The following TCAF1 variants were observed in gnomAD, a reference collection of about 807,000 sequenced individuals.
TCAF1 encodes the protein TRPM8 channel associated factor 1, also known as TRPM8 channel-associated factor 1.
A neutral mutation model predicts 27.3 loss-of-function variants in TCAF1; 4 were observed. The observed-to-expected ratio is 0.15, with a 90% CI of 0.07 to 0.34. TCAF1 has a LOEUF of 0.34. TCAF1 is among the 10% of genes least tolerant of loss of function. The pLI, the probability that TCAF1 is intolerant of heterozygous loss-of-function variation, is 1.00. For synonymous variants in TCAF1, 105 were observed against 167.1 expected (o/e 0.63, Z 2.87); for missense variants, 257 against 425.8 (o/e 0.60, Z 3.49).
Position 143,882,484 on chromosome 7 carries a change from G to A in TCAF1, c.-14-5862C>T, listed in dbSNP as rs902492155. The A allele has an allele frequency of 2.8e-5, 28 of 985,388 alleles. No homozygotes were observed. In the African/African-American group the frequency reaches 3.3e-4, roughly 12 times the overall value. 61.0% of individuals were successfully genotyped at this position (985,388 alleles called of 1,614,324 possible). ...ACATCAGATGTCAGAACCTGGAGAG[G>A]AGGAGCAATGCGGCAGGGGGATGCG... On this transcript the variant is annotated intron_variant, in intron 1 of 8. Transcript: ENST00000479870.
intron 1 of TCAF1, among the ~76,000 whole-genome samples, chr7:143,877,090 C>T (rs533519238): frequency 1.3e-5 from 2 of 152,204 alleles, no homozygotes; most frequent in South Asian, 2.1e-4. Flanking sequence ...GAGATTGGAG[C>T]GATGAGTCTA....
intron 1 of TCAF1, among the ~76,000 whole-genome samples, chr7:143,879,110 T>C (rs558993041): frequency 1.3e-5 from 2 of 152,322 alleles, no homozygotes; most frequent in East Asian, 3.9e-4. Context: ...CCCTTGGACA[T>C]GCCCTGTTTT....
intron 1 of TCAF1, among the ~76,000 whole-genome samples, chr7:143,897,451 A>G (rs562271680): frequency 4.5e-4 from 69 of 152,062 alleles, no homozygotes; most frequent in Non-Finnish European, 8.5e-4. Context: ...AACATGTGTT[A>G]ATCAACTGCT....
In TCAF1 at chr7:143,860,020, T is replaced by TTATATATTATATAATATATATAA. The variant is rs1811914949; in HGVS notation, c.2167+187_2167+188insTTATATATATTATATAATATATA. Among the ~76,000 whole-genome samples, 5 of 13,756 alleles carry TTATATATTATATAATATATATAA rather than the reference T, an allele frequency of 3.6e-4. 1 individual carries two copies. The highest frequency in any genetic ancestry group is 7.5e-4 in the Non-Finnish European group (4 of 5,306). 9.0% of individuals were successfully genotyped at this position (13,756 alleles called of 152,430 possible). A position where few individuals can be genotyped will look rare whatever the true frequency, so the allele number is the denominator to read the frequency against. Reference sequence around the variant, plus strand: ...TTATATAATATATATATAATATATATTATATATTATATATATAATATATAA... The same window carrying TTATATATTATATAATATATATAA: ...TTATATAATATATATATAATATATATTATATATTATATAATATATATAATATATATTATATATATAATATATAA... On this transcript the variant is annotated intron_variant, in intron 6 of 8. Coordinates refer to ENST00000479870, the MANE Select transcript of TCAF1 (RefSeq NM_014719.3).
chr7:143,885,052 C>T (rs1186918370), intron 1 of TCAF1: 21 of 985,178 alleles, frequency 2.1e-5, no homozygotes, highest in Non-Finnish European at 2.3e-5. Context: ...TTTGGCAGCC[C>T]CGCGTGCGCC....
chr7:143,880,080 G>A (rs1402613017), intron 1 of TCAF1, among the ~76,000 whole-genome samples: 1 of 152,158 alleles, frequency 6.6e-6, no homozygotes, highest in Admixed American at 6.5e-5. Flanking sequence ...TTTTTGTATG[G>A]GCAAAGATAA....
rs746503679 is a variant in TCAF1 at position 143,876,128 on chromosome 7, C to T, written c.481G>A (p.Gly161Arg). 2.2e-5 allele frequency: 35 copies of T among 1,614,200 alleles called. 1 individual carries two copies. In the South Asian group the frequency reaches 3.2e-4, roughly 15 times the overall value. ...GGQAWDWANQ[G>R]EDERVLFTFP... ...GTGAACAGAACCCTTTCATCCTCCC[C>T]CTGGTTGGCCCAATCCCAGGCTTGT... The change falls in exon 2 of 9, where the codon GGG becomes AGG. Residue 161 changes from glycine (G) to arginine (R), a missense_variant. Physicochemically the swap from Gly to Arg is moderately radical, Grantham distance 125 (BLOSUM62 -2). Transcript: ENST00000479870.
chr7:143,889,000 A>G (rs1813534412), intron 1 of TCAF1, among the ~76,000 whole-genome samples: 1 of 152,176 alleles, frequency 6.6e-6, no homozygotes, highest in Admixed American at 6.5e-5. Context: ...AAATTAAAAA[A>G]TAATTGAAAT....
At chr7:143,875,509 C>G (rs1168831011) in intron 2 of TCAF1, among the ~76,000 whole-genome samples, 2 of 152,194 alleles carry the variant, frequency 1.3e-5, no homozygotes, top group Non-Finnish European at 2.9e-5. Flanking sequence ...CTTGAACCAT[C>G]TTTTCTGATA....
At chr7:143,859,897 TTATATAATATATATTAC>T (rs1811807820) in intron 6 of TCAF1, among the ~76,000 whole-genome samples, 2 of 67,226 alleles carry the variant, frequency 3.0e-5, no homozygotes, top group Non-Finnish European at 5.8e-5. Flanking sequence ...ATAATATATA[TTATATAATATATATTAC>T]GGAATATATA....
chr7:143,865,186 A>AG lies in TCAF1; in HGVS notation c.621-1391dup, dbSNP rs372001627. 3.7e-3 allele frequency among the ~76,000 whole-genome samples: 373 copies of AG among 101,280 alleles called. 1 individual carries two copies. The highest frequency in any genetic ancestry group is 0.012 in the African/African-American group (331 of 27,206). 66.4% of individuals were successfully genotyped at this position (101,280 alleles called of 152,430 possible). A position where few individuals can be genotyped will look rare whatever the true frequency, so the allele number is the denominator to read the frequency against. On this transcript the variant is annotated intron_variant, in intron 2 of 8. Coordinates refer to ENST00000479870, the MANE Select transcript of TCAF1 (RefSeq NM_014719.3). ...TTTTGATTTTTTAATTTAATGGAGA[A>AG]GGGGGGGGGTCTCACTATGTTGCTC...
At chr7:143,875,865 T>A in intron 2 of TCAF1, 124 bp downstream of exon 2, 2 of 799,546 alleles carry the variant, frequency 2.5e-6, no homozygotes, top group Admixed American at 2.8e-5. Flanking sequence ...CTAGTTGATA[T>A]GTAGTGATTC....
At chr7:143,878,170 T>C (rs150768586) in intron 1 of TCAF1, among the ~76,000 whole-genome samples, 26 of 152,352 alleles carry the variant, frequency 1.7e-4, no homozygotes, top group African/African-American at 6.3e-4. Flanking sequence ...ATAAGTATTA[T>C]TTATATGCAT....
At chr7:143,894,652 A>G (rs1813791991) in intron 1 of TCAF1, among the ~76,000 whole-genome samples, 2 of 151,744 alleles carry the variant, frequency 1.3e-5, no homozygotes, top group Admixed American at 1.3e-4. Context: ...GGTAGGCAAA[A>G]TTCTCGTCAA....
chr7:143,883,716 G>A (rs1233754725), intron 1 of TCAF1, among the ~76,000 whole-genome samples: 3 of 152,012 alleles, frequency 2.0e-5, no homozygotes, highest in African/African-American at 4.8e-5. Context: ...TGTTGGCCAG[G>A]CTGATCTCAA....
At chr7:143,885,085 G>A in intron 1 of TCAF1, 2 of 985,502 alleles carry the variant, frequency 2.0e-6, no homozygotes, top group Non-Finnish European at 2.4e-6. Flanking sequence ...GCTCCCCAAG[G>A]ACCCCGACCC....
In TCAF1 at chr7:143,854,116, AT is replaced by A. The variant is rs1453414686; in HGVS notation, c.*16del. On this transcript the variant is annotated 3_prime_UTR_variant, in exon 9 of 9. Coordinates refer to ENST00000479870, the MANE Select transcript of TCAF1 (RefSeq NM_014719.3). ...CTGAGATGTGTCAGTTCCTTTTTGCATTTCTTGACTTCAATTTCAGTGGGGC... is the reference window on the plus strand; with the variant it reads ...CTGAGATGTGTCAGTTCCTTTTTGCATTCTTGACTTCAATTTCAGTGGGGC... 5.9e-6 allele frequency: 2 copies of A among 338,454 alleles called. No homozygotes were observed. The highest frequency in any genetic ancestry group is 9.9e-6 in the Non-Finnish European group (2 of 202,272). The allele number at this position is 338,454 out of a possible 1,614,324, so 21.0% of individuals were successfully genotyped here.
intron 2 of TCAF1, 73 bp downstream of exon 2, chr7:143,875,916 A>G: frequency 2.2e-6 from 3 of 1,383,306 alleles, no homozygotes; most frequent in Non-Finnish European, 2.9e-6. Context: ...TTAGCCTTGG[A>G]GCAACCTGAA....
Position 143,851,679 on chromosome 7 carries a change from G to A in TCAF1, c.*2454C>T, listed in dbSNP as rs1409112304. On this transcript the variant is annotated 3_prime_UTR_variant, in exon 9 of 9. Transcript: ENST00000479870. Reference sequence around the variant, plus strand: ...ACTTACACTATCGCCACTTTCCTTTGTCCATCTCTCTCCAAATGTCTGATA... The same window carrying A: ...ACTTACACTATCGCCACTTTCCTTTATCCATCTCTCTCCAAATGTCTGATA... The A allele has an allele frequency of 6.6e-6, 1 of 151,980 alleles. No individual in the cohort carries two copies. The highest frequency in any genetic ancestry group is 1.5e-5 in the Non-Finnish European group (1 of 68,022). The allele number at this position is 151,980 out of a possible 1,614,324, so 9.4% of individuals were successfully genotyped here.
Sources: allele counts gnomAD v4.1 joint callset (sites outside exome capture counted in the v4.1 genomes callset), GRCh38; gene constraint gnomAD v4.1.1; transcripts MANE v1.5; gene names NCBI Gene and HGNC (gene_info 2026-07-23, HGNC 2026-07-21).